Variants in SNIP1 observed in about 807,000 individuals in gnomAD.
SNIP1 encodes the protein Smad nuclear interacting protein 1.
SNIP1 carries 23 observed loss-of-function variants against 37.4 expected under a neutral mutation model. That is an observed-to-expected ratio of 0.61 (90% CI 0.44 to 0.87). SNIP1 has a LOEUF of 0.87. SNIP1 is among the 40% of genes least tolerant of loss of function. The pLI is 0.00. For missense variants in SNIP1, 459 were observed against 540.4 expected, an observed-to-expected ratio of 0.85 and a Z score of 1.49; for synonymous variants, 174 against 200.0, an observed-to-expected ratio of 0.87 and a Z score of 1.10.
rs1473490153 is a variant in SNIP1, at chr1:37,535,575, C to T, written c.*2173G>A. On this transcript the variant is annotated 3_prime_UTR_variant, in exon 4 of 4. Coordinates refer to ENST00000296215, the MANE Select transcript of SNIP1 (RefSeq NM_024700.4). ...CACCAGGATGAAGTTTGTAGCAAAA[C>T]TCAAGGCTACCACAAAGTAGTGCTA... 1 of 152,112 alleles carries T rather than the reference C, an allele frequency of 6.6e-6. No individual in the cohort carries two copies. Among genetic ancestry groups the T allele is most frequent in the Non-Finnish European group, 1.5e-5 (1 of 68,042 alleles). 9.4% of individuals were successfully genotyped at this position (152,112 alleles called of 1,614,324 possible).
intron 2 of SNIP1, among the ~76,000 whole-genome samples, chr1:37,550,560 A>G (rs1167040413): frequency 3.3e-5 from 5 of 151,912 alleles, no homozygotes; most frequent in Admixed American, 1.3e-4. Context: ...TACAAAAATT[A>G]GCTGGGCATG....
rs778167341 is a variant in SNIP1 at position 37,540,260 on chromosome 1, T to C, written c.823A>G (p.Ile275Val). 25 of 1,614,040 alleles carry C rather than the reference T, an allele frequency of 1.5e-5. No individual in the cohort carries two copies. Among genetic ancestry groups the C allele is most frequent in the Non-Finnish European group, 1.9e-5 (23 of 1,180,030 alleles). The change falls in exon 3 of 4, where the codon ATA (isoleucine) becomes GTA (valine). Residue 275 changes from isoleucine (I) to valine (V), a missense_variant. Ile to Val is a conservative substitution (Grantham distance 29, BLOSUM62 3). Transcript: ENST00000296215. The surrounding 1 kb of genome is among the most constrained non-coding windows in gnomAD (Gnocchi z 5.6). ...KNDEVLPVMY[I>V]HRQSAYLLGR... Reference sequence around the variant, plus strand: ...AGTAGGTACGCACTCTGTCGATGTATGTACATGACTGGAAGCACCTCATCA... The same window carrying C: ...AGTAGGTACGCACTCTGTCGATGTACGTACATGACTGGAAGCACCTCATCA...
At chr1:37,551,626 CAA>C (rs1643303198) in intron 2 of SNIP1, among the ~76,000 whole-genome samples, 1 of 152,118 alleles carries the variant, frequency 6.6e-6, no homozygotes, top group Non-Finnish European at 1.5e-5. Context: ...GAGGATATAG[CAA>C]AGAGGTAGCC....
intron 2 of SNIP1, among the ~76,000 whole-genome samples, chr1:37,547,457 G>C (rs1643254237): frequency 6.6e-6 from 1 of 152,084 alleles, no homozygotes; most frequent in South Asian, 2.1e-4. Flanking sequence ...GGTTCAGTTG[G>C]GTACGGTGGT....
At chr1:37,551,681 A>G (rs1643303844) in intron 2 of SNIP1, among the ~76,000 whole-genome samples, 1 of 152,220 alleles carries the variant, frequency 6.6e-6, no homozygotes, top group South Asian at 2.1e-4. Context: ...AGGAGATTCC[A>G]AACCTGCTAA....
rs1557623903 is a variant in SNIP1, at chr1:37,537,934, A to G, written c.1005T>C (p.Asn335=). ...TACGTTTGTTGTTTAAGAAGGTTCC[A>G]TTGCCTGAGCCAAGGTCAATGATGT... ...KPYIIDLGSG[N]GTFLNNKRIE... is the part of the protein sequence containing the mutation. Residue 335 remains asparagine (N), a synonymous_variant, in exon 4 of 4, where the codon AAT becomes AAC. Coordinates refer to ENST00000296215, the MANE Select transcript of SNIP1 (RefSeq NM_024700.4). 1.9e-6 allele frequency: 3 copies of G among 1,614,134 alleles called. No homozygotes were observed. The highest frequency in any genetic ancestry group is 2.5e-6 in the Non-Finnish European group (3 of 1,180,016).
intron 2 of SNIP1, among the ~76,000 whole-genome samples, chr1:37,545,769 G>A (rs980404479): frequency 6.6e-6 from 1 of 151,804 alleles, no homozygotes; most frequent in Non-Finnish European, 1.5e-5. Context: ...ACCAGCCTGG[G>A]TAACATAGTG....
chr1:37,544,706 C>A (rs1643211065), intron 2 of SNIP1: 3 of 598,414 alleles, frequency 5.0e-6, no homozygotes, highest in South Asian at 3.3e-5. Context: ...TCCCAAGGCC[C>A]CCGCCGCCAC....
chr1:37,540,981 CA>C lies in SNIP1; in HGVS notation c.328-227del. On this transcript the variant is annotated intron_variant, in intron 2 of 3. Coordinates refer to ENST00000296215, the MANE Select transcript of SNIP1 (RefSeq NM_024700.4). The surrounding 1 kb of genome is among the most constrained non-coding windows in gnomAD (Gnocchi z 5.6). ...CTATTCAACTATAGCCCTAATAGCACAAGTCCAGGTCCACAGCCCTAAAAAC... is the reference window on the plus strand; with the variant it reads ...CTATTCAACTATAGCCCTAATAGCACAGTCCAGGTCCACAGCCCTAAAAAC... 1 of 460,538 alleles carries C rather than the reference CA, an allele frequency of 2.2e-6. No homozygotes were observed. The highest frequency in any genetic ancestry group is 3.8e-6 in the Non-Finnish European group (1 of 259,962). The allele number at this position is 460,538 out of a possible 1,614,324, so 28.5% of individuals were successfully genotyped here.
chr1:37,540,794 A>C lies in SNIP1; in HGVS notation c.328-39T>G, dbSNP rs1230605450. Reference sequence around the variant, plus strand: ...AGATTCTGTAATTTAAACGCAGTGCACAATCTAAAGGCAGCCCAAATCTTG... The same window carrying C: ...AGATTCTGTAATTTAAACGCAGTGCCCAATCTAAAGGCAGCCCAAATCTTG... On this transcript the variant is annotated intron_variant, in intron 2 of 3. Coordinates refer to ENST00000296215, the MANE Select transcript of SNIP1 (RefSeq NM_024700.4). The surrounding 1 kb of genome is among the most constrained non-coding windows in gnomAD (Gnocchi z 5.6). 6.5e-7 allele frequency: 1 copy of C among 1,532,158 alleles called. No homozygotes were observed. Among genetic ancestry groups the C allele is most frequent in the African/African-American group, 1.4e-5 (1 of 73,026 alleles). 94.9% of individuals were successfully genotyped at this position (1,532,158 alleles called of 1,614,324 possible).
chr1:37,554,011 A>G lies in SNIP1; in HGVS notation c.219T>C (p.Val73=). Residue 73 remains valine, a synonymous_variant, in exon 1 of 4, where the codon GTT becomes GTC. Transcript: ENST00000296215. ...SGHRGNRARG[V]SRSPPKKKNK... ...TGGACTGCTCCCCCACTTACCGGCT[A>G]ACTCCTCGGGCTCGGTTCCCGCGGT... is the stretch of plus-strand genomic sequence containing the variant. 6.4e-7 allele frequency: 1 copy of G among 1,563,640 alleles called. No homozygotes were observed. Among genetic ancestry groups the G allele is most frequent in the African/African-American group, 1.4e-5 (1 of 73,970 alleles).
intron 2 of SNIP1, chr1:37,545,214 T>C (rs1643218919): frequency 7.4e-6 from 5 of 676,492 alleles, no homozygotes; most frequent in South Asian, 6.8e-5. Flanking sequence ...TGTGACCAAC[T>C]TGCGCAAGAT....
chr1:37,545,132 C>G (rs1643217909), intron 2 of SNIP1: 1 of 737,570 alleles, frequency 1.4e-6, no homozygotes, highest in African/African-American at 1.7e-5. Context: ...CAAAATTACC[C>G]CCATTTGTGT....
chr1:37,549,939 A>T (rs1440116993), intron 2 of SNIP1, among the ~76,000 whole-genome samples: 2 of 152,224 alleles, frequency 1.3e-5, no homozygotes, highest in Non-Finnish European at 2.9e-5. Flanking sequence ...GACCCACACA[A>T]ATATGCCCAA....
At chr1:37,552,827 T>A in intron 1 of SNIP1, 80 bp from the exon 2 acceptor site, 1 of 1,121,364 alleles carries the variant, frequency 8.9e-7, no homozygotes, top group Non-Finnish European at 1.4e-6. Flanking sequence ...CAGGCTTACC[T>A]ACTAACACAA....
Position 37,554,222 on chromosome 1 carries a change from G to GC in SNIP1, c.7dup (p.Ala3GlyfsTer50). 1.3e-6 allele frequency: 2 copies of GC among 1,597,398 alleles called. No individual in the cohort carries two copies. Among genetic ancestry groups the GC allele is most frequent in the Non-Finnish European group, 1.7e-6 (2 of 1,170,290 alleles). Reference sequence around the variant, plus strand: ...CCCTCGCTCCCGTTCGCTCTTCACCGCCTTCATTCTGTGATTTTGGCTGGG... The same window carrying GC: ...CCCTCGCTCCCGTTCGCTCTTCACCGCCCTTCATTCTGTGATTTTGGCTGGG... On this transcript the variant is annotated frameshift_variant, in exon 1 of 4. Coordinates refer to ENST00000296215, the MANE Select transcript of SNIP1 (RefSeq NM_024700.4). LOFTEE classifies it high-confidence loss of function.
At chr1:37,544,093 G>C (rs958048092) in intron 2 of SNIP1, among the ~76,000 whole-genome samples, 2 of 150,782 alleles carry the variant, frequency 1.3e-5, no homozygotes, top group Admixed American at 6.6e-5. Flanking sequence ...GCAGTGAACA[G>C]AGATGGAGCC....
chr1:37,554,270 G>A lies in SNIP1; in HGVS notation c.-41C>T, dbSNP rs767475306. ...GGGCGAAAGAAAACAGATCAGTTGAGCTCCTCTAGCTGGAGGAAATGACGA... is the reference window on the plus strand; with the variant it reads ...GGGCGAAAGAAAACAGATCAGTTGAACTCCTCTAGCTGGAGGAAATGACGA... On this transcript the variant is annotated 5_prime_UTR_variant, in exon 1 of 4. Coordinates refer to ENST00000296215, the MANE Select transcript of SNIP1 (RefSeq NM_024700.4). 8 of 1,531,696 alleles carry A rather than the reference G, an allele frequency of 5.2e-6. No homozygotes were observed. In the East Asian group the frequency reaches 1.1e-4, roughly 22 times the overall value. 94.9% of individuals were successfully genotyped at this position (1,531,696 alleles called of 1,614,324 possible). A position where few individuals can be genotyped will look rare whatever the true frequency, so the allele number is the denominator to read the frequency against.
intron 2 of SNIP1, among the ~76,000 whole-genome samples, chr1:37,541,933 C>T (rs1285434513): frequency 6.6e-6 from 1 of 151,844 alleles, no homozygotes; most frequent in Non-Finnish European, 1.5e-5. Flanking sequence ...TTTCTTTTTC[C>T]TTCTCCACAA....
Sources: gnomAD v4.1 joint callset for allele counts (sites outside exome capture counted in the v4.1 genomes callset) on GRCh38, gnomAD v4.1.1 for gene constraint, Gnocchi (gnomAD v3.1) non-coding constraint, MANE v1.5 for transcripts, NCBI Gene and HGNC (gene_info 2026-07-23, HGNC 2026-07-21) for gene names.